FBN2: variants seen among roughly 807,000 people sequenced by gnomAD.
FBN2 encodes the protein fibrillin 2.
FBN2 carries 105 observed loss-of-function variants against 355.6 expected under a neutral mutation model. That is an observed-to-expected ratio of 0.30 (90% CI 0.25 to 0.35). The LOEUF (loss-of-function observed/expected upper bound fraction) is 0.35. Among genes scored for constraint, FBN2 ranks in the 10% least tolerant of loss-of-function variants. The pLI, the probability that FBN2 is intolerant of heterozygous loss-of-function variation, is 1.00. For missense variants in FBN2, 3,280 were observed against 3,758.7 expected (o/e 0.87, Z 3.33); for synonymous variants, 1,350 against 1,301.2 (o/e 1.04, Z -0.81).
chr5:128,335,372 G>A (rs895256423), intron 29 of FBN2, 77 bp from the exon 30 acceptor site: 5 of 1,611,238 alleles, frequency 3.1e-6, no homozygotes, highest in Non-Finnish European at 4.2e-6. Context: ...TTTCTATCTG[G>A]TTCCACTTGG....
At chr5:128,303,367 T>C (rs937720313) in intron 45 of FBN2, among the ~76,000 whole-genome samples, 2 of 152,172 alleles carry the variant, frequency 1.3e-5, no homozygotes, top group African/African-American at 4.8e-5. Flanking sequence ...CTAGTAGAGA[T>C]GTATTAATGA....
chr5:128,515,199 T>A (rs1197025482), intron 5 of FBN2, among the ~76,000 whole-genome samples: 1 of 152,166 alleles, frequency 6.6e-6, no homozygotes, highest in Admixed American at 6.6e-5. Context: ...TCTAAGTAGA[T>A]TTAATGGCTA....
At chr5:128,434,205 G>A (rs958501540) in intron 7 of FBN2, among the ~76,000 whole-genome samples, 3 of 151,360 alleles carry the variant, frequency 2.0e-5, no homozygotes, top group Non-Finnish European at 2.9e-5. Flanking sequence ...AATAAGAAAA[G>A]TTTGCATTAA....
chr5:128,456,459 G>C (rs1170944674), intron 6 of FBN2, among the ~76,000 whole-genome samples: 1 of 152,074 alleles, frequency 6.6e-6, no homozygotes, highest in East Asian at 1.9e-4. Flanking sequence ...TTCATTAAAC[G>C]GATCCTGCTC....
intron 48 of FBN2, among the ~76,000 whole-genome samples, chr5:128,299,148 G>T (rs959764717): frequency 2.1e-4 from 32 of 152,076 alleles, no homozygotes; most frequent in South Asian, 8.3e-4. Flanking sequence ...GCTGCTCGGG[G>T]GTCAGGGGTC....
chr5:128,395,920 T>C (rs1441403140), intron 8 of FBN2, among the ~76,000 whole-genome samples: 1 of 152,162 alleles, frequency 6.6e-6, no homozygotes, highest in Non-Finnish European at 1.5e-5. Context: ...GGTTTGGAGA[T>C]TTCCTGGATG....
At chr5:128,357,175 G>A in intron 20 of FBN2, 101 bp downstream of exon 20, 2 of 1,443,098 alleles carry the variant, frequency 1.4e-6, no homozygotes, top group Non-Finnish European at 1.9e-6. Flanking sequence ...GTAATTCTTT[G>A]CTTTTTGGAA....
chr5:128,438,925 A>G (rs930993346), intron 7 of FBN2, among the ~76,000 whole-genome samples: 6 of 152,166 alleles, frequency 3.9e-5, no homozygotes, highest in African/African-American at 1.4e-4. Flanking sequence ...CCAATGCCAC[A>G]GACTTTCTAG....
chr5:128,318,742 A>G, intron 35 of FBN2, 137 bp downstream of exon 35: 1 of 734,174 alleles, frequency 1.4e-6, no homozygotes, highest in Non-Finnish European at 2.3e-6. Context: ...ATGCATCTGA[A>G]TATAATTTTC....
At chr5:128,466,052 C>T (rs1157027490) in intron 5 of FBN2, among the ~76,000 whole-genome samples, 1 of 152,156 alleles carries the variant, frequency 6.6e-6, no homozygotes, top group Non-Finnish European at 1.5e-5. Flanking sequence ...TTCAGTGAAA[C>T]TTTTCGATGA....
chr5:128,439,740 TG>T (rs1753866940), intron 7 of FBN2, among the ~76,000 whole-genome samples: 1 of 152,126 alleles, frequency 6.6e-6, no homozygotes, highest in South Asian at 2.1e-4. Flanking sequence ...TTTTATTTTA[TG>T]TAACTGAATT....
At chr5:128,461,954 C>T (rs1190443835) in intron 6 of FBN2, among the ~76,000 whole-genome samples, 1 of 151,946 alleles carries the variant, frequency 6.6e-6, no homozygotes, top group African/African-American at 2.4e-5. Context: ...CACATGTATT[C>T]GTTTTTTTAA....
At chr5:128,533,227 T>C (rs781322439) in intron 2 of FBN2, among the ~76,000 whole-genome samples, 54 of 152,248 alleles carry the variant, frequency 3.5e-4, no homozygotes, top group Admixed American at 1.8e-3. Flanking sequence ...CAAAGTTTCC[T>C]CCTCCCCAGA....
At chr5:128,326,957 A>C (rs1341586940) in intron 34 of FBN2, among the ~76,000 whole-genome samples, 1 of 152,156 alleles carries the variant, frequency 6.6e-6, no homozygotes, top group Non-Finnish European at 1.5e-5. Context: ...GGAAGGAAAA[A>C]TCCTGTCTGG....
Position 128,328,793 on chromosome 5 carries a change from G to C in FBN2, c.4374C>G (p.Asn1458Lys). 4 of 1,614,106 alleles carry C rather than the reference G, an allele frequency of 2.5e-6. No homozygotes were observed. Among genetic ancestry groups the C allele is most frequent in the Non-Finnish European group, 2.5e-6 (3 of 1,179,990 alleles). Reference sequence around the variant, plus strand: ...TAAGGCACTGTCCGTTCTCACAGAGGTTTATGTTTTCTGCACACTCATCAA... The same window carrying C: ...TAAGGCACTGTCCGTTCTCACAGAGCTTTATGTTTTCTGCACACTCATCAA... ...SDVDECAENINLCENGQCLNV... is the reference protein window; with the variant it reads ...SDVDECAENIKLCENGQCLNV... The change falls in exon 34 of 65, where the codon AAC (asparagine) becomes AAG (lysine). Residue 1458 changes from asparagine to lysine, a missense_variant. Asn to Lys is a moderately conservative substitution (Grantham distance 94). Transcript: ENST00000262464.
intron 8 of FBN2, among the ~76,000 whole-genome samples, chr5:128,398,079 G>A (rs1752697220): frequency 6.6e-6 from 1 of 152,068 alleles, no homozygotes; most frequent in Admixed American, 6.6e-5. Context: ...TAGCTTTGAT[G>A]CCTCAATTCA....
At chr5:128,461,647 T>C (rs1581317603) in intron 6 of FBN2, among the ~76,000 whole-genome samples, 1 of 152,116 alleles carries the variant, frequency 6.6e-6, no homozygotes, top group Non-Finnish European at 1.5e-5. Flanking sequence ...GTGGTACATA[T>C]ACACCATGGA....
rs576015288 is a variant in FBN2 at position 128,350,823 on chromosome 5, G to A, written c.2812+45C>T. 5.0e-6 allele frequency: 8 copies of A among 1,610,318 alleles called. No individual in the cohort carries two copies. The South Asian group carries it at 7.7e-5, about 15-fold the overall frequency. ...TGAAAGAGGTGTCCTAGTGGCAGGA[G>A]AAGTTTCCAAGGAGAAGCCCAGAAG... is the stretch of plus-strand genomic sequence containing the variant. On this transcript the variant is annotated intron_variant, in intron 21 of 64. Coordinates refer to ENST00000262464, the MANE Select transcript of FBN2 (RefSeq NM_001999.4).
chr5:128,273,929 G>T lies in FBN2; in HGVS notation c.7751C>A (p.Ala2584Glu). 3 of 1,613,852 alleles carry T rather than the reference G, an allele frequency of 1.9e-6. No individual in the cohort carries two copies. Among genetic ancestry groups the T allele is most frequent in the Non-Finnish European group, 2.5e-6 (3 of 1,179,876 alleles). Residue 2584 changes from alanine (A) to glutamate (E), a missense_variant, in exon 61 of 65, where the codon GCA becomes GAA. Physicochemically the swap from Ala to Glu is moderately radical, Grantham distance 107 (BLOSUM62 -1). Coordinates refer to ENST00000262464, the MANE Select transcript of FBN2 (RefSeq NM_001999.4). ...TGGAGTGTTTTGACAGATTCCCTTT[G>T]CTCCACAAAGCGAAGGTTGAGACCC... ...ECGSQPSLCG[A>E]KGICQNTPGS...
Sources: gnomAD v4.1 joint callset for allele counts (sites outside exome capture counted in the v4.1 genomes callset) on GRCh38, gnomAD v4.1.1 for gene constraint, MANE v1.5 for transcripts, NCBI Gene and HGNC (gene_info 2026-07-23, HGNC 2026-07-21) for gene names.